The following PPDPFL variants were observed in gnomAD, a reference collection of about 807,000 sequenced individuals.
PPDPFL encodes pancreatic progenitor cell differentiation and proliferation factor like, also known as pancreatic progenitor cell differentiation and proliferation factor-like protein.
A neutral mutation model predicts 12.6 loss-of-function variants in PPDPFL; 12 were observed. That is an observed-to-expected ratio of 0.95 (90% CI 0.61 to 1.54). The LOEUF (loss-of-function observed/expected upper bound fraction) is 1.54. PPDPFL is among the 40% of genes most tolerant of loss of function. The pLI is 0.00. For missense variants in PPDPFL, 114 were observed against 96.0 expected, an observed-to-expected ratio of 1.19 and a Z score of -0.78; for synonymous variants, 24 against 32.7, an observed-to-expected ratio of 0.73 and a Z score of 0.91.
chr8:49,070,533 C>T (rs550075039), upstream of PPDPFL, among the ~76,000 whole-genome samples: 1 of 152,020 alleles, frequency 6.6e-6, no homozygotes, highest in African/African-American at 2.4e-5. Context: ...AGAATTAAAG[C>T]ATAACAGAAA....
upstream of PPDPFL, among the ~76,000 whole-genome samples, chr8:49,070,212 G>A (rs934736242): frequency 2.0e-5 from 3 of 152,094 alleles, no homozygotes; most frequent in African/African-American, 4.8e-5. Flanking sequence ...TAGACACATC[G>A]AGGGGCACAA....
chr8:49,074,837 T>C, intron 4 of PPDPFL: 2 of 1,408,298 alleles, frequency 1.4e-6, no homozygotes, highest in Non-Finnish European at 1.8e-6. Context: ...TTTAATATAT[T>C]TAAACTACTT....
intron 2 of PPDPFL, among the ~76,000 whole-genome samples, chr8:49,073,220 C>T (rs1808424676): frequency 2.0e-5 from 3 of 152,178 alleles, no homozygotes; most frequent in African/African-American, 7.2e-5. Context: ...TTATTCAACT[C>T]CTTAGAAAAG....
intron 1 of PPDPFL, among the ~76,000 whole-genome samples, chr8:49,066,877 C>T (rs1467211711): frequency 2.6e-5 from 4 of 152,102 alleles, no homozygotes; most frequent in African/African-American, 9.7e-5. Flanking sequence ...CACCTCCTCC[C>T]GTGTCCTGGC....
intron 1 of PPDPFL, among the ~76,000 whole-genome samples, chr8:49,060,788 G>A (rs1209624467): frequency 6.6e-6 from 1 of 152,120 alleles, no homozygotes; most frequent in Non-Finnish European, 1.5e-5. Context: ...CGTAATGGAA[G>A]ATATTTTATA....
chr8:49,054,960 G>T (rs1358657597), intron 1 of PPDPFL, among the ~76,000 whole-genome samples: 1 of 152,084 alleles, frequency 6.6e-6, no homozygotes, highest in Non-Finnish European at 1.5e-5. Flanking sequence ...TTTTCCGTGT[G>T]TGCTTTTAAT....
Position 49,054,527 on chromosome 8 carries a change from A to G in PPDPFL, c.-45+158A>G, listed in dbSNP as rs80052657. On this transcript the variant is annotated intron_variant, in intron 1 of 4. Coordinates refer to the PPDPFL transcript ENST00000517663. ...GTAGACCTTCTGGTCAACAGTTAAG[A>G]TATTAGTAGTTAAATTTTGGGGGAG... 2.8e-3 allele frequency among the ~76,000 whole-genome samples: 431 copies of G among 152,198 alleles called. 2 individuals are homozygous for G. The highest frequency in any genetic ancestry group is 9.8e-3 in the African/African-American group (409 of 41,538).
Position 49,075,310 on chromosome 8 carries a change from G to A in PPDPFL, c.*137G>A, listed in dbSNP as rs948257265. The A allele has an allele frequency of 3.8e-5, 59 of 1,558,710 alleles. 1 individual carries two copies. The highest frequency in any genetic ancestry group is 2.2e-4 in the Admixed American group (13 of 59,906). ...CATACATGAACAGCTCCCCTTCAGCGCCCCAGCTATTCCAGGACTCTTCTC... is the reference window on the plus strand; with the variant it reads ...CATACATGAACAGCTCCCCTTCAGCACCCCAGCTATTCCAGGACTCTTCTC... On this transcript the variant is annotated 3_prime_UTR_variant, in exon 5 of 5. Coordinates refer to ENST00000522267, the MANE Select transcript of PPDPFL (RefSeq NM_001256597.2).
chr8:49,056,300 T>A (rs1407926345), intron 1 of PPDPFL, among the ~76,000 whole-genome samples: 3 of 152,186 alleles, frequency 2.0e-5, no homozygotes, highest in African/African-American at 7.2e-5. Flanking sequence ...TGTTTGGAAC[T>A]TTCCTCACAT....
chr8:49,072,284 G>C (rs1808403297), upstream of PPDPFL: 1 of 152,542 alleles, frequency 6.6e-6, no homozygotes, highest in Non-Finnish European at 1.5e-5. Context: ...GTCACCCACA[G>C]CTCAGGTTCC....
chr8:49,064,740 C>G (rs1015997033), intron 1 of PPDPFL, among the ~76,000 whole-genome samples: 3 of 152,206 alleles, frequency 2.0e-5, no homozygotes, highest in Non-Finnish European at 4.4e-5. Flanking sequence ...ATCAGATGCA[C>G]TCTGCATTTC....
chr8:49,056,710 C>G (rs1323589370), intron 1 of PPDPFL, among the ~76,000 whole-genome samples: 1 of 152,146 alleles, frequency 6.6e-6, no homozygotes, highest in Non-Finnish European at 1.5e-5. Context: ...TCCATAAAAA[C>G]TAATATCTGT....
Position 49,072,854 on chromosome 8 carries a change from T to C in PPDPFL, c.24T>C (p.Gly8=). ...CCATGGCATCCGTACCTTCCATTGGTTGCCTTCTAGCCAGAAATCAGTATT... is the reference window on the plus strand; with the variant it reads ...CCATGGCATCCGTACCTTCCATTGGCTGCCTTCTAGCCAGAAATCAGTATT... MASVPSI[G]CLLARNQYYR... The change falls in exon 2 of 5, where the codon GGT becomes GGC. Residue 8 remains glycine (G), a synonymous_variant. Transcript: ENST00000522267. 6.2e-7 allele frequency: 1 copy of C among 1,607,102 alleles called. No individual in the cohort carries two copies. Among genetic ancestry groups the C allele is most frequent in the Non-Finnish European group, 8.5e-7 (1 of 1,177,292 alleles).
intron 1 of PPDPFL, among the ~76,000 whole-genome samples, chr8:49,064,674 G>T (rs752370514): frequency 6.6e-6 from 1 of 152,052 alleles, no homozygotes; most frequent in East Asian, 1.9e-4. Context: ...TAATAAAACT[G>T]TGGGCAAATT....
intron 1 of PPDPFL, among the ~76,000 whole-genome samples, chr8:49,065,781 T>TCAA (rs1181062304): frequency 6.6e-5 from 10 of 152,334 alleles, no homozygotes; most frequent in Admixed American, 6.5e-4. Flanking sequence ...AACATTCTGG[T>TCAA]GACATCAGCC....
intron 1 of PPDPFL, among the ~76,000 whole-genome samples, chr8:49,057,802 C>G (rs1808135135): frequency 6.6e-6 from 1 of 152,100 alleles, no homozygotes; most frequent in Admixed American, 6.6e-5. Context: ...CTAAAAATGG[C>G]TGAACATAGT....
chr8:49,073,077 G>C (rs944234683), intron 2 of PPDPFL, among the ~76,000 whole-genome samples, 192 bp downstream of exon 2: 1 of 152,196 alleles, frequency 6.6e-6, no homozygotes, highest in Admixed American at 6.5e-5. Context: ...TTCTAGCTAC[G>C]CTGTATCGTT....
Position 49,075,147 on chromosome 8 carries a change from C to T in PPDPFL, c.234-5C>T, listed in dbSNP as rs763288514. 5.0e-6 allele frequency: 8 copies of T among 1,613,060 alleles called. No individual in the cohort carries two copies. Among genetic ancestry groups the T allele is most frequent in the South Asian group, 4.4e-5 (4 of 91,072 alleles). ...TCCTCTCTGACTACTATAAAATCAACCCAGATTACAGATGAGCACTTTGTA... is the reference window on the plus strand; with the variant it reads ...TCCTCTCTGACTACTATAAAATCAATCCAGATTACAGATGAGCACTTTGTA... On this transcript the variant is annotated splice_polypyrimidine_tract_variant and splice_region_variant and intron_variant, in intron 4 of 4. Coordinates refer to ENST00000522267, the MANE Select transcript of PPDPFL (RefSeq NM_001256597.2).
At chr8:49,057,616 C>T (rs1208877615) in intron 1 of PPDPFL, among the ~76,000 whole-genome samples, 3 of 152,092 alleles carry the variant, frequency 2.0e-5, no homozygotes, top group Non-Finnish European at 4.4e-5. Context: ...TACTTCACTA[C>T]ACTCACCAAA....
Sources: allele counts gnomAD v4.1 joint callset (sites outside exome capture counted in the v4.1 genomes callset), GRCh38; gene constraint gnomAD v4.1.1; transcripts MANE v1.5; gene names NCBI Gene and HGNC (gene_info 2026-07-23, HGNC 2026-07-21).